SLC25A17: variants seen among roughly 807,000 people sequenced by gnomAD.
SLC25A17 encodes the protein solute carrier family 25 member 17, also known as peroxisomal membrane protein PMP34.
In SLC25A17, 26 loss-of-function variants were observed where a neutral mutation model predicts 38.5. The ratio of observed to expected loss-of-function variants is 0.68; its 90% CI spans 0.50 to 0.94. The LOEUF is 0.94. Among genes scored for constraint, SLC25A17 ranks in the 40% least tolerant of loss-of-function variants. The pLI is 0.00. For missense variants in SLC25A17, 333 were observed against 372.7 expected (o/e 0.89, Z 0.88); for synonymous variants, 139 against 136.2 (o/e 1.02, Z -0.14).
chr22:40,799,592 C>T (rs1376369216), intron 1 of SLC25A17: 1 of 152,054 alleles, frequency 6.6e-6, no homozygotes, highest in Non-Finnish European at 1.5e-5. Context: ...GATCTCCTGA[C>T]CTCATGATCC....
intron 5 of SLC25A17, among the ~76,000 whole-genome samples, chr22:40,778,802 G>A (rs2057269376): frequency 6.6e-6 from 1 of 152,112 alleles, no homozygotes; most frequent in Non-Finnish European, 1.5e-5. Flanking sequence ...GTACAGAATG[G>A]GAGATAATTT....
At chr22:40,786,713 C>G (rs1569403843) in intron 4 of SLC25A17, among the ~76,000 whole-genome samples, 1 of 152,136 alleles carries the variant, frequency 6.6e-6, no homozygotes, top group African/African-American at 2.4e-5. Flanking sequence ...GATGTGGAAC[C>G]CACGGATGAG....
chr22:40,810,206 T>C (rs1160951552), intron 1 of SLC25A17, among the ~76,000 whole-genome samples: 1 of 152,142 alleles, frequency 6.6e-6, no homozygotes, highest in Non-Finnish European at 1.5e-5. Flanking sequence ...ACAGTGTCTT[T>C]TTGTATACTG....
At chr22:40,808,496 C>T (rs1276833314) in intron 1 of SLC25A17, among the ~76,000 whole-genome samples, 1 of 152,218 alleles carries the variant, frequency 6.6e-6, no homozygotes, top group East Asian at 1.9e-4. Flanking sequence ...ACACACATGA[C>T]GTTGAAATTT....
rs2057255966 is a variant in SLC25A17 at position 40,777,403 on chromosome 22, G to A, written c.452-30C>T. 4.4e-6 allele frequency: 7 copies of A among 1,599,556 alleles called. No homozygotes were observed. The East Asian group carries it at 1.3e-4, about 31-fold the overall frequency. ...GCAAGAAATCAGGGACTTTTGAAAAGCATGATCACAATCCCCCAACTAGAG... is the reference window on the plus strand; with the variant it reads ...GCAAGAAATCAGGGACTTTTGAAAAACATGATCACAATCCCCCAACTAGAG... On this transcript the variant is annotated intron_variant, in intron 5 of 8. Transcript: ENST00000435456.
At chr22:40,811,469 G>T (rs953144578) in intron 1 of SLC25A17, among the ~76,000 whole-genome samples, 2 of 151,018 alleles carry the variant, frequency 1.3e-5, no homozygotes, top group African/African-American at 4.9e-5. Context: ...TCATTCTGTC[G>T]CCCAGGCTGG....
chr22:40,779,114 C>A lies in SLC25A17; in HGVS notation c.346G>T (p.Val116Leu), dbSNP rs1350845640. The part of the protein sequence containing the change: ...VVGFVAGVVN[V>L]LLTTPLWVVN... The stretch of plus-strand genomic sequence containing the variant: ...ACCCAGAGTGGAGTTGTTAGCAACA[C>A]ATTAACCACTCCTTTAACAAGAAAG... Residue 116 changes from valine (V) to leucine (L), a missense_variant, in exon 5 of 9, where the codon GTG (valine) becomes TTG (leucine). Physicochemically the swap from Val to Leu is conservative, Grantham distance 32. Coordinates refer to ENST00000435456, the MANE Select transcript of SLC25A17 (RefSeq NM_006358.4). 2 of 1,614,062 alleles carry A rather than the reference C, an allele frequency of 1.2e-6. No individual in the cohort carries two copies. Among genetic ancestry groups the A allele is most frequent in the Non-Finnish European group, 1.7e-6 (2 of 1,180,032 alleles).
chr22:40,797,440 T>C (rs2057440815), intron 2 of SLC25A17: 1 of 510,222 alleles, frequency 2.0e-6, no homozygotes, highest in African/African-American at 2.0e-5. Flanking sequence ...ATTGAGTATG[T>C]GGCTCCAGTA....
chr22:40,819,008 G>C (rs1281901627), intron 1 of SLC25A17, among the ~76,000 whole-genome samples, 187 bp downstream of exon 1: 1 of 152,040 alleles, frequency 6.6e-6, no homozygotes, highest in East Asian at 1.9e-4. Context: ...GCGGAGTCTC[G>C]GCCCTTACCC....
chr22:40,819,327 G>T lies in SLC25A17; in HGVS notation c.-79C>A. The stretch of plus-strand genomic sequence containing the variant: ...GTGGAGTTAGGAAAGGAGCACCGGA[G>T]CTCAGGGTGTGAGAGTCGCAATCCC... On this transcript the variant is annotated 5_prime_UTR_variant, in exon 1 of 9. Transcript: ENST00000435456. 6.6e-7 allele frequency: 1 copy of T among 1,509,848 alleles called. No homozygotes were observed. Among genetic ancestry groups the T allele is most frequent in the Non-Finnish European group, 9.1e-7 (1 of 1,099,410 alleles). The allele number at this position is 1,509,848 out of a possible 1,614,324, so 93.5% of individuals were successfully genotyped here.
intron 1 of SLC25A17, among the ~76,000 whole-genome samples, chr22:40,810,405 T>C (rs1206200058): frequency 2.0e-5 from 3 of 150,470 alleles, no homozygotes; most frequent in Non-Finnish European, 2.9e-5. Flanking sequence ...TGGAGTGCAA[T>C]GGCGTAATCT....
At chr22:40,800,466 A>G (rs1459815152) in intron 1 of SLC25A17, among the ~76,000 whole-genome samples, 1 of 152,216 alleles carries the variant, frequency 6.6e-6, no homozygotes, top group Non-Finnish European at 1.5e-5. Flanking sequence ...TGGCGAGATC[A>G]TAGTTCACTG....
chr22:40,804,782 T>C (rs760300968), intron 1 of SLC25A17, among the ~76,000 whole-genome samples: 1 of 152,160 alleles, frequency 6.6e-6, no homozygotes, highest in Non-Finnish European at 1.5e-5. Flanking sequence ...TCCGGGTCTG[T>C]GTCGATTGTG....
chr22:40,783,436 A>C (rs530528599), intron 4 of SLC25A17, among the ~76,000 whole-genome samples: 1 of 152,310 alleles, frequency 6.6e-6, no homozygotes, highest in Admixed American at 6.5e-5. Flanking sequence ...TACAATTTCA[A>C]AACACAGGAA....
intron 8 of SLC25A17, among the ~76,000 whole-genome samples, chr22:40,772,255 C>T (rs2057191195): frequency 6.6e-6 from 1 of 152,162 alleles, no homozygotes. Flanking sequence ...CCTCCCAATA[C>T]TTGATATAGT....
rs775663136 is a variant in SLC25A17 at position 40,794,371 on chromosome 22, A to G, written c.182+143T>C. On this transcript the variant is annotated intron_variant, in intron 3 of 8. Transcript: ENST00000435456. ...ACAGATCTTTAAGAAACTGAAAACA[A>G]TTATGTACTTATAAATCAGGCAATT... 6.0e-4 allele frequency: 331 copies of G among 553,172 alleles called. 2 individuals are homozygous for G. The Middle Eastern group carries it at 0.012, about 21-fold the overall frequency. The allele number at this position is 553,172 out of a possible 1,614,324, so 34.3% of individuals were successfully genotyped here. A position where few individuals can be genotyped will look rare whatever the true frequency, so the allele number is the denominator to read the frequency against.
intron 4 of SLC25A17, among the ~76,000 whole-genome samples, chr22:40,785,646 C>T (rs2057331616): frequency 6.6e-6 from 1 of 152,110 alleles, no homozygotes; most frequent in Non-Finnish European, 1.5e-5. Flanking sequence ...TTTGGCTTTT[C>T]CTCTGAGTGA....
chr22:40,801,566 A>G (rs1296735438), intron 1 of SLC25A17, among the ~76,000 whole-genome samples: 1 of 152,168 alleles, frequency 6.6e-6, no homozygotes, highest in Non-Finnish European at 1.5e-5. Context: ...ATTAAATGAT[A>G]CTCAATGTTT....
chr22:40,777,601 G>A (rs1009632999), intron 5 of SLC25A17, among the ~76,000 whole-genome samples: 2 of 152,092 alleles, frequency 1.3e-5, no homozygotes, highest in Non-Finnish European at 2.9e-5. Context: ...AGCCAGCATG[G>A]TGAAACCCTG....
Sources: allele counts gnomAD v4.1 joint callset (sites outside exome capture counted in the v4.1 genomes callset), GRCh38; gene constraint gnomAD v4.1.1; transcripts MANE v1.5; gene names NCBI Gene and HGNC (gene_info 2026-07-23, HGNC 2026-07-21).